Variants in ANKS1B observed in about 807,000 individuals in gnomAD.
The protein encoded by ANKS1B is ankyrin repeat and sterile alpha motif domain-containing protein 1B.
ANKS1B carries 36 observed loss-of-function variants against 148.3 expected under a neutral mutation model. The observed-to-expected ratio is 0.24, with a 90% confidence interval of 0.19 to 0.32. The LOEUF is 0.32. Ranked by LOEUF, ANKS1B falls within the 10% of genes least tolerant of loss-of-function variation. The pLI is 1.00. For missense variants in ANKS1B, 1,157 were observed against 1,542.6 expected (o/e 0.75, Z 4.19); for synonymous variants, 542 against 560.8 (o/e 0.97, Z 0.47).
chr12:99,919,328 G>A lies in ANKS1B; in HGVS notation c.134+64776C>T, dbSNP rs190916220. Among the ~76,000 whole-genome samples, 628 of 152,232 alleles carry A rather than the reference G, an allele frequency of 4.1e-3. 2 individuals are homozygous for A. The highest frequency in any genetic ancestry group is 7.2e-3 in the Non-Finnish European group (487 of 68,008). ...GTGGAAGAAAAAAAGATTGAAGTATGCAAAGTGCCTAGTGTACCATCTAGC... is the reference window on the plus strand; with the variant it reads ...GTGGAAGAAAAAAAGATTGAAGTATACAAAGTGCCTAGTGTACCATCTAGC... On this transcript the variant is annotated intron_variant, in intron 1 of 26. Transcript: ENST00000683438.
intron 15 of ANKS1B, among the ~76,000 whole-genome samples, chr12:99,141,293 T>C (rs940510409): frequency 2.0e-5 from 3 of 152,088 alleles, no homozygotes; most frequent in African/African-American, 7.2e-5. Context: ...ACTTCTTCTA[T>C]CCAATGCAAC....
At chr12:99,125,764 C>T (rs1216697527) in intron 15 of ANKS1B, among the ~76,000 whole-genome samples, 1 of 152,104 alleles carries the variant, frequency 6.6e-6, no homozygotes, top group Non-Finnish European at 1.5e-5. Flanking sequence ...TGCTGATAAA[C>T]AGATTCCTAA....
Position 99,022,215 on chromosome 12 carries a change from C to T in ANKS1B, c.2778+30942G>A, listed in dbSNP as rs554253626. 1.5e-4 allele frequency among the ~76,000 whole-genome samples: 23 copies of T among 152,230 alleles called. No individual in the cohort carries two copies. The South Asian group carries it at 4.2e-3, about 27-fold the overall frequency. Reference sequence around the variant, plus strand: ...TAATGTGGACAGAAATATTGCTATACCTATTCCATAAAACTTCCCACAACT... The same window carrying T: ...TAATGTGGACAGAAATATTGCTATATCTATTCCATAAAACTTCCCACAACT... On this transcript the variant is annotated intron_variant, in intron 17 of 26. Transcript: ENST00000683438.
At chr12:99,955,522 A>C (rs1165792105) in intron 1 of ANKS1B, among the ~76,000 whole-genome samples, 4 of 147,320 alleles carry the variant, frequency 2.7e-5, no homozygotes, top group Non-Finnish European at 6.0e-5. Flanking sequence ...AAAAAAAAAA[A>C]AAAAAAGGCC....
chr12:99,278,081 T>C (rs2077910128), intron 12 of ANKS1B, among the ~76,000 whole-genome samples: 1 of 152,214 alleles, frequency 6.6e-6, no homozygotes, highest in African/African-American at 2.4e-5. Flanking sequence ...AAGATTAATA[T>C]TCCCTTCCAC....
intron 11 of ANKS1B, among the ~76,000 whole-genome samples, chr12:99,424,759 G>A (rs971785359): frequency 2.0e-5 from 3 of 150,230 alleles, no homozygotes; most frequent in African/African-American, 7.4e-5. Context: ...GGCCTGAGAA[G>A]GACTCCATAC....
intron 17 of ANKS1B, among the ~76,000 whole-genome samples, chr12:98,975,259 T>C (rs556429830): frequency 7.5e-6 from 1 of 133,058 alleles, no homozygotes; most frequent in Admixed American, 7.3e-5. Context: ...TTTCTTTCCT[T>C]CATTCCTCCC....
intron 9 of ANKS1B, among the ~76,000 whole-genome samples, chr12:99,653,543 G>A (rs888069831): frequency 3.9e-5 from 6 of 151,994 alleles, no homozygotes; most frequent in Non-Finnish European, 5.9e-5. Flanking sequence ...GTGAAGACAT[G>A]ACACCCTAGA....
intron 1 of ANKS1B, among the ~76,000 whole-genome samples, chr12:99,864,209 C>T (rs1482223159): frequency 6.6e-6 from 1 of 152,066 alleles, no homozygotes; most frequent in Non-Finnish European, 1.5e-5. Context: ...TCCCCACCTT[C>T]AATCTCTTTA....
At chr12:99,085,099 C>G in intron 15 of ANKS1B, 76 bp from the exon 16 acceptor site, 1 of 1,232,122 alleles carries the variant, frequency 8.1e-7, no homozygotes, top group South Asian at 1.3e-5. Flanking sequence ...TTATTTAATA[C>G]AGAGAAAACC....
chr12:99,303,899 G>A (rs1374323341), intron 12 of ANKS1B, among the ~76,000 whole-genome samples: 1 of 152,084 alleles, frequency 6.6e-6, no homozygotes, highest in Admixed American at 6.6e-5. Context: ...CCATTCCTGA[G>A]TTACTTCATT....
chr12:98,955,554 T>C (rs965836034), intron 17 of ANKS1B, among the ~76,000 whole-genome samples: 1 of 152,146 alleles, frequency 6.6e-6, no homozygotes, highest in African/African-American at 2.4e-5. Context: ...CAGGAGATGG[T>C]GGTGGCTTAG....
At chr12:99,902,796 G>A (rs1420492569) in intron 1 of ANKS1B, among the ~76,000 whole-genome samples, 4 of 150,730 alleles carry the variant, frequency 2.7e-5, no homozygotes, top group Admixed American at 2.6e-4. Context: ...TGTCATCCAG[G>A]CTGGAATGCA....
intron 14 of ANKS1B, among the ~76,000 whole-genome samples, chr12:99,231,654 TAAA>T (rs533331589): frequency 6.6e-6 from 1 of 150,948 alleles, no homozygotes; most frequent in African/African-American, 2.4e-5. Context: ...TAAATACATT[TAAA>T]AAAAAATGTT....
At chr12:99,013,196 A>G (rs1369770399) in intron 17 of ANKS1B, among the ~76,000 whole-genome samples, 2 of 152,222 alleles carry the variant, frequency 1.3e-5, no homozygotes, top group East Asian at 1.9e-4. Flanking sequence ...ACATTCCATT[A>G]GAGGATTTTG....
At chr12:99,780,358 C>T (rs1273375686) in intron 5 of ANKS1B, among the ~76,000 whole-genome samples, 1 of 152,114 alleles carries the variant, frequency 6.6e-6, no homozygotes, top group East Asian at 1.9e-4. Flanking sequence ...TCACTGCAAG[C>T]TCCGCTTCCC....
At chr12:99,869,014 G>A (rs546730985) in intron 1 of ANKS1B, among the ~76,000 whole-genome samples, 44 of 152,026 alleles carry the variant, frequency 2.9e-4, no homozygotes, top group Non-Finnish European at 5.9e-4. Flanking sequence ...TGGAGATTGC[G>A]CCACTGCAAT....
chr12:99,689,000 T>C (rs959587733), intron 8 of ANKS1B, among the ~76,000 whole-genome samples: 2 of 152,208 alleles, frequency 1.3e-5, no homozygotes, highest in African/African-American at 2.4e-5. Flanking sequence ...ACTAGTTATT[T>C]AGACTTTTTA....
intron 2 of ANKS1B, among the ~76,000 whole-genome samples, chr12:99,812,514 C>CAT (rs1430211226): frequency 8.1e-5 from 5 of 61,610 alleles, no homozygotes; most frequent in African/African-American, 1.7e-4. Flanking sequence ...CCCCATGCCA[C>CAT]ACACACACAC....
Sources: gnomAD v4.1 joint callset for allele counts (sites outside exome capture counted in the v4.1 genomes callset) on GRCh38, gnomAD v4.1.1 for gene constraint, MANE v1.5 for transcripts, NCBI Gene and HGNC (gene_info 2026-07-23, HGNC 2026-07-21) for gene names.